The following HMCN1 variants were observed in gnomAD, a reference collection of about 807,000 sequenced individuals.
The protein encoded by HMCN1 is hemicentin-1.
In HMCN1, 321 loss-of-function variants were observed where a neutral mutation model predicts 625.9. The observed-to-expected ratio is 0.51, with a 90% CI of 0.47 to 0.56. The LOEUF is 0.56. HMCN1 is among the 20% of genes least tolerant of loss of function. The probability of loss-of-function intolerance (pLI) is 0.00; values close to 1 mark genes in which losing one functional copy is unlikely to be tolerated. For synonymous variants in HMCN1, 2,425 were observed against 2,417.6 expected (o/e 1.00, Z -0.09); for missense variants, 6,588 against 6,887.3 (o/e 0.96, Z 1.54).
At chr1:186,068,559 A>T (rs2064790) in intron 50 of HMCN1, among the ~76,000 whole-genome samples, 96,547 of 152,044 alleles carry the variant, frequency 0.63, 32,865 homozygotes, top group African/African-American at 0.9. Flanking sequence ...AAATAGGGAA[A>T]GAGTTTTATA....
At chr1:186,088,428 G>A (rs1659653371) in intron 62 of HMCN1, 152 bp downstream of exon 62, 1 of 1,378,730 alleles carries the variant, frequency 7.3e-7, no homozygotes, top group South Asian at 1.3e-5. Flanking sequence ...TTACAAAATA[G>A]ACTCATTGTA....
intron 11 of HMCN1, among the ~76,000 whole-genome samples, chr1:185,960,389 A>C (rs577717098): frequency 4.2e-4 from 64 of 152,178 alleles, no homozygotes; most frequent in African/African-American, 1.5e-3. Flanking sequence ...TCAGCCTCCC[A>C]AAGTGTTGGG....
intron 80 of HMCN1, 56 bp downstream of exon 80, chr1:186,120,201 C>T: frequency 6.4e-7 from 1 of 1,558,612 alleles, no homozygotes; most frequent in Non-Finnish European, 8.8e-7. Flanking sequence ...ACAATGTCTA[C>T]CAAATATTTA....
rs74487177 is a variant in HMCN1, at chr1:185,746,214, A to G, written c.268+11167A>G. 8.3e-3 allele frequency among the ~76,000 whole-genome samples: 1,257 copies of G among 152,288 alleles called. 12 individuals carry two copies. The highest frequency in any genetic ancestry group is 0.027 in the Middle Eastern group (8 of 294). ...TACAGGATGTTTCTTTCATGAAAGA[A>G]GAGCATAGGCCCCGGAGTCTGATGT... On this transcript the variant is annotated intron_variant, in intron 1 of 106. Coordinates refer to ENST00000271588, the MANE Select transcript of HMCN1 (RefSeq NM_031935.3).
chr1:186,032,214 C>T (rs1264681655), intron 36 of HMCN1, among the ~76,000 whole-genome samples: 1 of 149,620 alleles, frequency 6.7e-6, no homozygotes, highest in African/African-American at 2.5e-5. Flanking sequence ...AACAGATCAG[C>T]AAGAAAAAAA....
intron 36 of HMCN1, among the ~76,000 whole-genome samples, chr1:186,025,748 G>A (rs1655021367): frequency 6.6e-6 from 1 of 152,102 alleles, no homozygotes; most frequent in South Asian, 2.1e-4. Flanking sequence ...AAGAGAAGGG[G>A]GCAGACTGGT....
At chr1:186,077,107 ATT>A (rs1051545086) in intron 54 of HMCN1, among the ~76,000 whole-genome samples, 1 of 152,132 alleles carries the variant, frequency 6.6e-6, no homozygotes, top group African/African-American at 2.4e-5. Flanking sequence ...CAAGGCTTCT[ATT>A]TAATTTTAAC....
intron 11 of HMCN1, among the ~76,000 whole-genome samples, chr1:185,952,021 ACGGC>A (rs1649208677): frequency 6.6e-6 from 1 of 151,726 alleles, no homozygotes; most frequent in Non-Finnish European, 1.5e-5. Context: ...TGAGAATAAG[ACGGC>A]CTTTAGACCT....
chr1:185,817,659 G>T (rs2102260875), intron 1 of HMCN1, among the ~76,000 whole-genome samples: 1 of 152,248 alleles, frequency 6.6e-6, no homozygotes, highest in Non-Finnish European at 1.5e-5. Flanking sequence ...TTCAAGAATT[G>T]TTGATTTGAT....
In HMCN1 at chr1:185,923,664, A is replaced by G. The variant is rs1404567605; in HGVS notation, c.1285+11A>G. 6.3e-7 allele frequency: 1 copy of G among 1,589,762 alleles called. No homozygotes were observed. The highest frequency in any genetic ancestry group is 8.6e-7 in the Non-Finnish European group (1 of 1,167,442). ...CTAGTATTGTCCCAGGTGAGACATC[A>G]TTTTATTCAACATTGAAATATTGAC... On this transcript the variant is annotated intron_variant, in intron 8 of 106. Transcript: ENST00000271588.
rs1481456828 is a variant in HMCN1 at position 186,001,617 on chromosome 1, G to A, written c.4224G>A (p.Gln1408=). 8 of 1,613,084 alleles carry A rather than the reference G, an allele frequency of 5.0e-6. No individual in the cohort carries two copies. Among genetic ancestry groups the A allele is most frequent in the African/African-American group, 1.3e-5 (1 of 74,870 alleles). The change falls in exon 28 of 107, where the codon CAG becomes CAA. Residue 1408 remains glutamine (Q), a synonymous_variant. Transcript: ENST00000271588. The stretch of plus-strand genomic sequence containing the variant: ...AGGTGACTGAAAGCAGCACTATTCA[G>A]ACTGTGAACAATGGGAAGATACTGA... ...NVQVTESSTI[Q]TVNNGKILKL... is the part of the protein sequence containing the mutation.
At chr1:185,937,509 A>G (rs112792855) in intron 11 of HMCN1, among the ~76,000 whole-genome samples, 3 of 152,182 alleles carry the variant, frequency 2.0e-5, no homozygotes, top group Non-Finnish European at 2.9e-5. Context: ...TTGGAGATTA[A>G]GTTTTCAGCA....
intron 1 of HMCN1, among the ~76,000 whole-genome samples, chr1:185,830,832 G>A (rs760559679): frequency 1.9e-4 from 29 of 151,922 alleles, no homozygotes; most frequent in South Asian, 8.3e-4. Context: ...AGGTTGCAGC[G>A]AACTGAGATC....
intron 11 of HMCN1, among the ~76,000 whole-genome samples, chr1:185,948,854 G>A (rs575562449): frequency 0.01 from 1,543 of 150,160 alleles, 24 homozygotes; most frequent in African/African-American, 0.032. Flanking sequence ...TGCTTCAAGC[G>A]GGATTAGGGG....
intron 1 of HMCN1, among the ~76,000 whole-genome samples, chr1:185,811,275 C>A (rs1659496270): frequency 6.6e-6 from 1 of 152,120 alleles, no homozygotes; most frequent in South Asian, 2.1e-4. Flanking sequence ...AATGTGTGCC[C>A]TGCCCTCCAC....
At chr1:186,142,751 A>T (rs1029125657) in intron 89 of HMCN1, among the ~76,000 whole-genome samples, 1 of 152,182 alleles carries the variant, frequency 6.6e-6, no homozygotes, top group Non-Finnish European at 1.5e-5. Context: ...TAAAAATAAA[A>T]AAGTCTTTAG....
intron 2 of HMCN1, among the ~76,000 whole-genome samples, chr1:185,848,064 AAAC>A (rs1661945475): frequency 3.9e-5 from 6 of 152,196 alleles, no homozygotes; most frequent in Admixed American, 3.9e-4. Context: ...AAAACAAAAT[AAAC>A]AACAAAAAAT....
At chr1:185,918,640 C>T (rs1666849688) in intron 6 of HMCN1, among the ~76,000 whole-genome samples, 1 of 152,298 alleles carries the variant, frequency 6.6e-6, no homozygotes, top group African/African-American at 2.4e-5. Flanking sequence ...GTGACCTTAC[C>T]TCACATCTGC....
In HMCN1 at chr1:186,029,585, C is replaced by T. The variant is rs561307203; in HGVS notation, c.5749+6432C>T. Among the ~76,000 whole-genome samples, 7 of 149,944 alleles carry T rather than the reference C, an allele frequency of 4.7e-5. 1 individual carries two copies. In the South Asian group the frequency reaches 1.5e-3, roughly 32 times the overall value. Reference sequence around the variant, plus strand: ...AAGATTGCGGTAATGACCCCTCTTTCATTTCTGATTGTAGTAATTAGATCT... The same window carrying T: ...AAGATTGCGGTAATGACCCCTCTTTTATTTCTGATTGTAGTAATTAGATCT... On this transcript the variant is annotated intron_variant, in intron 36 of 106. Transcript: ENST00000271588.
Sources: gnomAD v4.1 joint callset for allele counts (sites outside exome capture counted in the v4.1 genomes callset) on GRCh38, gnomAD v4.1.1 for gene constraint, MANE v1.5 for transcripts, NCBI Gene and HGNC (gene_info 2026-07-23, HGNC 2026-07-21) for gene names.